Variants in GLS observed in about 807,000 individuals in gnomAD.
The protein encoded by GLS is glutaminase.
A neutral mutation model predicts 86.7 loss-of-function variants in GLS; 36 were observed. The observed-to-expected ratio is 0.42, with a 90% CI of 0.32 to 0.55. The LOEUF (loss-of-function observed/expected upper bound fraction) is 0.55. Among genes scored for constraint, GLS ranks in the 20% least tolerant of loss-of-function variants. The pLI, the probability that GLS is intolerant of heterozygous loss-of-function variation, is 0.17. For missense variants in GLS, 528 were observed against 833.4 expected, an observed-to-expected ratio of 0.63 and a Z score of 4.51; for synonymous variants, 317 against 305.9, an observed-to-expected ratio of 1.04 and a Z score of -0.38.
At chr2:190,944,577 G>A (rs1327307931) in intron 14 of GLS, among the ~76,000 whole-genome samples, 4 of 152,030 alleles carry the variant, frequency 2.6e-5, no homozygotes, top group Non-Finnish European at 4.4e-5. Flanking sequence ...TATTGATTAG[G>A]AGTGCTGTTT....
intron 1 of GLS, among the ~76,000 whole-genome samples, chr2:190,884,101 A>T (rs534471908): frequency 6.6e-6 from 1 of 152,260 alleles, no homozygotes; most frequent in Admixed American, 6.5e-5. Context: ...TTGAAAACCA[A>T]CTTTGCTTGC....
At chr2:190,908,378 T>G (rs6713807) in intron 6 of GLS, among the ~76,000 whole-genome samples, 1 of 152,228 alleles carries the variant, frequency 6.6e-6, no homozygotes, top group Non-Finnish European at 1.5e-5. Context: ...TTGAAAAGCT[T>G]CTTTTGATAT....
Position 190,880,855 on chromosome 2 carries a change from TCGCGG to T in GLS, c.-228_-224del, listed in dbSNP as rs1310077004. ...CCTTAGGCGGAGCGAAGAGAACCGG[TCGCGG>T]CAATCCTAGCGCGCAGCAGCAGCAG... On this transcript the variant is annotated 5_prime_UTR_variant, in exon 1 of 18. Transcript: ENST00000320717. The T allele has an allele frequency of 1.2e-6, 1 of 811,400 alleles. No homozygotes were observed. Among genetic ancestry groups the T allele is most frequent in the African/African-American group, 1.7e-5 (1 of 57,312 alleles). 50.3% of individuals were successfully genotyped at this position (811,400 alleles called of 1,614,324 possible).
chr2:190,894,853 T>A (rs1688675790), intron 1 of GLS, among the ~76,000 whole-genome samples: 1 of 152,136 alleles, frequency 6.6e-6, no homozygotes. Flanking sequence ...TGTACTGGGG[T>A]GTATAGGAAG....
rs546484486 is a variant in GLS at position 190,955,286 on chromosome 2, A to AC, written c.1853+473dup. On this transcript the variant is annotated intron_variant, in intron 17 of 17. Coordinates refer to ENST00000320717, the MANE Select transcript of GLS (RefSeq NM_014905.5). The surrounding 1 kb of genome is among the most constrained non-coding windows in gnomAD (Gnocchi z 5.6). ...CTAATGCGATCCCTCCCTTACCCTG[A>AC]CCCCCAAACAGGCCCTGGTGTGTGA... 2.2e-3 allele frequency among the ~76,000 whole-genome samples: 338 copies of AC among 151,836 alleles called. 5 individuals are homozygous for AC. The South Asian group carries it at 0.027, about 12-fold the overall frequency.
intron 1 of GLS, among the ~76,000 whole-genome samples, chr2:190,891,698 T>C (rs530736855): frequency 6.6e-6 from 1 of 152,190 alleles, no homozygotes; most frequent in South Asian, 2.1e-4. Context: ...TGGCCCTGCA[T>C]TTAAACTTAA....
rs950800181 is a variant in GLS at position 190,960,404 on chromosome 2, C to T, written c.1854-2426C>T. Among the ~76,000 whole-genome samples the T allele has an allele frequency of 2.1e-5, 3 of 141,262 alleles. No individual in the cohort carries two copies. The East Asian group carries it at 6.1e-4, about 29-fold the overall frequency. The allele number at this position is 141,262 out of a possible 152,430, so 92.7% of individuals were successfully genotyped here. On this transcript the variant is annotated intron_variant, in intron 17 of 17. Coordinates refer to ENST00000320717, the MANE Select transcript of GLS (RefSeq NM_014905.5). ...TTTGAGACTGGGTCTTGCCTTGCCA[C>T]TCAGGCTGAAGTGCAAGTGGCATGA... is the stretch of plus-strand genomic sequence containing the variant.
rs1447509806 is a variant in GLS at position 190,964,601 on chromosome 2, C to G, written c.*1615C>G. 1 of 152,214 alleles carries G rather than the reference C, an allele frequency of 6.6e-6. No individual in the cohort carries two copies. Among genetic ancestry groups the G allele is most frequent in the Admixed American group, 6.5e-5 (1 of 15,278 alleles). The allele number at this position is 152,214 out of a possible 1,614,324, so 9.4% of individuals were successfully genotyped here. A position where few individuals can be genotyped will look rare whatever the true frequency, so the allele number is the denominator to read the frequency against. On this transcript the variant is annotated 3_prime_UTR_variant, in exon 18 of 18. Coordinates refer to ENST00000320717, the MANE Select transcript of GLS (RefSeq NM_014905.5). The surrounding 1 kb of genome is among the most constrained non-coding windows in gnomAD (Gnocchi z 5.2). ...GGCACCTCCTTTGGTGAAACCACGG[C>G]CAATGTTCCTTAGCTGCACCAGGCC...
chr2:190,927,218 G>A, intron 11 of GLS, 88 bp from the exon 12 acceptor site: 1 of 966,262 alleles, frequency 1.0e-6, no homozygotes, highest in South Asian at 1.8e-5. Context: ...TTTCAGATCT[G>A]TATGAAATAC....
chr2:190,919,262 A>G (rs894542951), intron 7 of GLS, among the ~76,000 whole-genome samples: 3 of 152,198 alleles, frequency 2.0e-5, no homozygotes, highest in African/African-American at 7.2e-5. Flanking sequence ...AATGCTAGAC[A>G]TTGGTAAATA....
At chr2:190,927,611 TTAA>T (rs1443399126) in intron 12 of GLS, 129 bp downstream of exon 12, 2 of 636,546 alleles carry the variant, frequency 3.1e-6, no homozygotes, top group East Asian at 2.9e-5. Context: ...GTTTTCAAGG[TTAA>T]TTTGTTACAA....
At chr2:190,908,200 G>C (rs980160240) in intron 6 of GLS, among the ~76,000 whole-genome samples, 3 of 152,098 alleles carry the variant, frequency 2.0e-5, no homozygotes. Context: ...CTTAACTCCA[G>C]TTTTTATTTG....
At position 190,962,154 on chromosome 2, in the gene GLS, A is replaced by G. The variant is rs1025426174; in HGVS notation, c.1854-676A>G. The stretch of plus-strand genomic sequence containing the variant: ...ACTCTTCATTTCTTCTTATCCTTGA[A>G]TATTCATCTACATCACTCTAAACAG... On this transcript the variant is annotated intron_variant, in intron 17 of 17. Coordinates refer to ENST00000320717, the MANE Select transcript of GLS (RefSeq NM_014905.5). The surrounding 1 kb of genome is among the most constrained non-coding windows in gnomAD (Gnocchi z 4.2). Among the ~76,000 whole-genome samples, 1 of 152,194 alleles carries G rather than the reference A, an allele frequency of 6.6e-6. No individual in the cohort carries two copies. Among genetic ancestry groups the G allele is most frequent in the African/African-American group, 2.4e-5 (1 of 41,456 alleles).
intron 14 of GLS, among the ~76,000 whole-genome samples, chr2:190,945,939 T>C (rs566019081): frequency 5.9e-5 from 9 of 152,168 alleles, no homozygotes; most frequent in East Asian, 1.9e-4. Flanking sequence ...CTATAAAAGA[T>C]TTTTTCCCCA....
intron 1 of GLS, among the ~76,000 whole-genome samples, chr2:190,883,222 A>C (rs543734181): frequency 2.0e-5 from 3 of 152,230 alleles, no homozygotes; most frequent in African/African-American, 7.2e-5. Flanking sequence ...GGTTGTGAAG[A>C]AAGTTTTTTA....
intron 7 of GLS, among the ~76,000 whole-genome samples, chr2:190,919,443 C>T (rs114237994): frequency 6.6e-6 from 1 of 152,142 alleles, no homozygotes; most frequent in African/African-American, 2.4e-5. Context: ...TTATAGGGTA[C>T]AGTTTAGGTC....
At chr2:190,890,067 G>A (rs758761818) in intron 1 of GLS, among the ~76,000 whole-genome samples, 1 of 152,070 alleles carries the variant, frequency 6.6e-6, no homozygotes, top group African/African-American at 2.4e-5. Context: ...AACAAAGGAT[G>A]AGCTTTGTAG....
chr2:190,881,621 T>A, intron 1 of GLS, 151 bp downstream of exon 1: 1 of 716,914 alleles, frequency 1.4e-6, no homozygotes, highest in Non-Finnish European at 2.1e-6. Context: ...CTGCGCCATG[T>A]GATTAGGCCC....
intron 12 of GLS, among the ~76,000 whole-genome samples, chr2:190,928,790 GTAATT>G (rs1373017592): frequency 1.4e-5 from 2 of 147,958 alleles, no homozygotes; most frequent in Non-Finnish European, 3.0e-5. Flanking sequence ...GAAAAACTGG[GTAATT>G]TAGTCTATAC....
Sources: gnomAD v4.1 joint callset for allele counts (sites outside exome capture counted in the v4.1 genomes callset) on GRCh38, gnomAD v4.1.1 for gene constraint, Gnocchi (gnomAD v3.1) non-coding constraint, MANE v1.5 for transcripts, NCBI Gene and HGNC (gene_info 2026-07-23, HGNC 2026-07-21) for gene names.